Variants in COL4A3 observed in about 807,000 individuals in gnomAD.
COL4A3 encodes collagen type IV alpha 3 chain.
Under a neutral mutation model 217.4 loss-of-function variants are expected in COL4A3, and 135 were observed. The ratio of observed to expected loss-of-function variants is 0.62; its 90% CI spans 0.54 to 0.72. The LOEUF (loss-of-function observed/expected upper bound fraction) is 0.72. COL4A3 is among the 30% of genes least tolerant of loss of function. The pLI is 0.00. For missense variants in COL4A3, 1,868 were observed against 2,119.9 expected (o/e 0.88, Z 2.33); for synonymous variants, 690 against 736.3 (o/e 0.94, Z 1.02).
intron 43 of COL4A3, among the ~76,000 whole-genome samples, chr2:227,300,835 C>A (rs527521336): frequency 6.6e-6 from 1 of 152,252 alleles, no homozygotes; most frequent in East Asian, 1.9e-4. Context: ...GAGATTGATG[C>A]CTGGCCTGAG....
intron 28 of COL4A3, 135 bp downstream of exon 28, chr2:227,277,688 A>C: frequency 1.5e-6 from 1 of 649,208 alleles, no homozygotes; most frequent in Non-Finnish European, 2.7e-6. Context: ...AAAATAGGAA[A>C]TATCCATAAT....
At chr2:227,180,900 GT>G (rs1577040358) in intron 1 of COL4A3, among the ~76,000 whole-genome samples, 1 of 152,078 alleles carries the variant, frequency 6.6e-6, no homozygotes, top group South Asian at 2.1e-4. Flanking sequence ...GGAGTTTCTT[GT>G]TTTTGAAAAT....
rs2070252199 is a variant in COL4A3, at chr2:227,257,411, A to T, written c.988-192A>T. Among the ~76,000 whole-genome samples the T allele has an allele frequency of 2.0e-5, 3 of 152,258 alleles. No homozygotes were observed. The South Asian group carries it at 6.2e-4, about 31-fold the overall frequency. Reference sequence around the variant, plus strand: ...AATAACTACTTCTGTACAACCTTGTAGATGGGATTCCTTACCCAGATACGC... The same window carrying T: ...AATAACTACTTCTGTACAACCTTGTTGATGGGATTCCTTACCCAGATACGC... On this transcript the variant is annotated intron_variant, in intron 17 of 51. Transcript: ENST00000396578.
At position 227,312,544 on chromosome 2, in the gene COL4A3, TTTTG is replaced by T. The variant is rs1427439280; in HGVS notation, c.*682_*685del. 1 of 152,278 alleles carries T rather than the reference TTTTG, an allele frequency of 6.6e-6. No individual in the cohort carries two copies. Among genetic ancestry groups the T allele is most frequent in the Non-Finnish European group, 1.5e-5 (1 of 68,036 alleles). The allele number at this position is 152,278 out of a possible 1,614,324, so 9.4% of individuals were successfully genotyped here. A position where few individuals can be genotyped will look rare whatever the true frequency, so the allele number is the denominator to read the frequency against. ...TTTTGTTTTGTTGGTTTTTAAAGAT[TTTTG>T]TTTGTTTATTGAATTCATTTCACTG... On this transcript the variant is annotated 3_prime_UTR_variant, in exon 52 of 52. Transcript: ENST00000396578.
chr2:227,208,342 C>T (rs982361153), intron 1 of COL4A3, among the ~76,000 whole-genome samples: 1 of 152,170 alleles, frequency 6.6e-6, no homozygotes, highest in African/African-American at 2.4e-5. Flanking sequence ...TCCGAACCTC[C>T]CCAAATTGCT....
intron 43 of COL4A3, among the ~76,000 whole-genome samples, chr2:227,301,149 G>C (rs2106260364): frequency 6.6e-6 from 1 of 152,292 alleles, no homozygotes; most frequent in South Asian, 2.1e-4. Context: ...TCTACCAGCT[G>C]GAATTAATCC....
intron 23 of COL4A3, chr2:227,268,863 C>T (rs1474851722): frequency 6.6e-6 from 1 of 152,180 alleles, no homozygotes; most frequent in African/African-American, 2.4e-5. Context: ...CCTATACTCT[C>T]CTTGAGTCTC....
chr2:227,238,869 CT>C (rs1363369354), intron 2 of COL4A3, among the ~76,000 whole-genome samples: 2 of 152,138 alleles, frequency 1.3e-5, no homozygotes, highest in Non-Finnish European at 2.9e-5. Context: ...GAAGCACTTT[CT>C]CTGTGATTCT....
chr2:227,268,158 G>T (rs1464052160), intron 23 of COL4A3, among the ~76,000 whole-genome samples: 1 of 152,224 alleles, frequency 6.6e-6, no homozygotes, highest in Non-Finnish European at 1.5e-5. Flanking sequence ...GAGAGGTGAA[G>T]TTACAGAGCC....
intron 1 of COL4A3, among the ~76,000 whole-genome samples, chr2:227,188,198 T>A (rs2066102273): frequency 6.6e-6 from 1 of 152,146 alleles, no homozygotes; most frequent in South Asian, 2.1e-4. Flanking sequence ...AATCCTGGCT[T>A]CTTCACTACA....
intron 3 of COL4A3, 97 bp downstream of exon 3, chr2:227,240,329 T>C (rs2068950024): frequency 1.7e-6 from 2 of 1,156,522 alleles, no homozygotes; most frequent in Non-Finnish European, 1.3e-6. Flanking sequence ...TTCCACATCT[T>C]AGCCAACTGC....
In COL4A3 at chr2:227,294,321, C is replaced by T. The variant is rs908965011; in HGVS notation, c.3338-169C>T. 7.3e-6 allele frequency: 5 copies of T among 688,060 alleles called. No homozygotes were observed. The African/African-American group carries it at 8.8e-5, about 12-fold the overall frequency. The allele number at this position is 688,060 out of a possible 1,614,324, so 42.6% of individuals were successfully genotyped here. A position where few individuals can be genotyped will look rare whatever the true frequency, so the allele number is the denominator to read the frequency against. ...TTAGACACATCTCTGCACTGGTTCTCCAGGAAAATTGCAGCCTGGACAAAA... is the reference window on the plus strand; with the variant it reads ...TTAGACACATCTCTGCACTGGTTCTTCAGGAAAATTGCAGCCTGGACAAAA... On this transcript the variant is annotated intron_variant, in intron 38 of 51. Transcript: ENST00000396578.
intron 1 of COL4A3, among the ~76,000 whole-genome samples, chr2:227,198,568 T>G (rs1008531510): frequency 1.3e-5 from 2 of 152,292 alleles, no homozygotes; most frequent in East Asian, 1.9e-4. Context: ...ATTCATCCAG[T>G]CTTTTTTTAA....
In COL4A3 at chr2:227,291,180, A is replaced by G. The variant is rs961324895; in HGVS notation, c.3210+294A>G. ...TTACAGGCCCATACAATCAGATAGG[A>G]CAGTGGGTTTTTTCTTGTGATACAA... On this transcript the variant is annotated intron_variant, in intron 37 of 51. Transcript: ENST00000396578. 3 of 392,412 alleles carry G rather than the reference A, an allele frequency of 7.6e-6. No homozygotes were observed. The Admixed American group carries it at 1.1e-4, about 15-fold the overall frequency. The allele number at this position is 392,412 out of a possible 1,614,324, so 24.3% of individuals were successfully genotyped here. A position where few individuals can be genotyped will look rare whatever the true frequency, so the allele number is the denominator to read the frequency against.
Position 227,259,776 on chromosome 2 carries a change from T to C in COL4A3, c.1030-17T>C. 1 of 1,567,744 alleles carries C rather than the reference T, an allele frequency of 6.4e-7. No homozygotes were observed. Among genetic ancestry groups the C allele is most frequent in the Non-Finnish European group, 8.8e-7 (1 of 1,137,810 alleles). ...AATAGCTATCCTTTCTCTGTATTTGTTTCTTTCTCCTCTAAGACAGAATAT... is the reference window on the plus strand; with the variant it reads ...AATAGCTATCCTTTCTCTGTATTTGCTTCTTTCTCCTCTAAGACAGAATAT... On this transcript the variant is annotated splice_polypyrimidine_tract_variant and intron_variant, in intron 18 of 51. Coordinates refer to ENST00000396578, the MANE Select transcript of COL4A3 (RefSeq NM_000091.5).
Position 227,281,021 on chromosome 2 carries a change from T to A in COL4A3, c.2488+15T>A, listed in dbSNP as rs2071926117. ...AGGGCAACAAGGTAGGAGGAGGGCC[T>A]CAAAACTGGCCACCAGAAGGGCAGG... On this transcript the variant is annotated intron_variant, in intron 31 of 51. Transcript: ENST00000396578. 1 of 1,511,012 alleles carries A rather than the reference T, an allele frequency of 6.6e-7. No homozygotes were observed. Among genetic ancestry groups the A allele is most frequent in the African/African-American group, 1.4e-5 (1 of 72,008 alleles). 93.6% of individuals were successfully genotyped at this position (1,511,012 alleles called of 1,614,324 possible). A position where few individuals can be genotyped will look rare whatever the true frequency, so the allele number is the denominator to read the frequency against.
chr2:227,178,629 T>A (rs1055416756), intron 1 of COL4A3, among the ~76,000 whole-genome samples: 1 of 151,662 alleles, frequency 6.6e-6, no homozygotes, highest in African/African-American at 2.4e-5. Flanking sequence ...GCCTCCCAGG[T>A]TCAAGCAATT....
intron 1 of COL4A3, among the ~76,000 whole-genome samples, chr2:227,231,420 T>C (rs1186715574): frequency 6.6e-6 from 1 of 152,158 alleles, no homozygotes; most frequent in Non-Finnish European, 1.5e-5. Context: ...ATGGGGTACA[T>C]GAGATGTTTT....
rs371405814 is a variant in COL4A3, at chr2:227,270,789, G to A, written c.1595G>A (p.Gly532Asp). Residue 532 changes from glycine to aspartate, a missense_variant, in exon 25 of 52, where the codon GGT becomes GAT. Physicochemically the swap from Gly to Asp is moderately conservative, Grantham distance 94 (BLOSUM62 -1). Coordinates refer to ENST00000396578, the MANE Select transcript of COL4A3 (RefSeq NM_000091.5). ...CCCTAGGGTTTCCCAGGTGCCCAGGGTGACCCAGGACTTAAAGGAGAAAAA... is the reference window on the plus strand; with the variant it reads ...CCCTAGGGTTTCCCAGGTGCCCAGGATGACCCAGGACTTAAAGGAGAAAAA... ...PGFPGFPGAQGDPGLKGEKGE... is the reference protein window; with the variant it reads ...PGFPGFPGAQDDPGLKGEKGE... 2 of 1,614,010 alleles carry A rather than the reference G, an allele frequency of 1.2e-6. No individual in the cohort carries two copies. The highest frequency in any genetic ancestry group is 1.7e-6 in the Non-Finnish European group (2 of 1,180,020).
Sources: gnomAD v4.1 joint callset for allele counts (sites outside exome capture counted in the v4.1 genomes callset) on GRCh38, gnomAD v4.1.1 for gene constraint, MANE v1.5 for transcripts, NCBI Gene and HGNC (gene_info 2026-07-23, HGNC 2026-07-21) for gene names.